Variants in PCDHA4 observed in about 807,000 individuals in gnomAD.
PCDHA4 encodes the protein protocadherin alpha 4, also known as protocadherin alpha-4.
In PCDHA4, 49 loss-of-function variants were observed where a neutral mutation model predicts 61.4. The ratio of observed to expected loss-of-function variants is 0.80; its 90% CI spans 0.63 to 1.01. The LOEUF (loss-of-function observed/expected upper bound fraction) is 1.01. Among genes scored for constraint, PCDHA4 ranks in the 50% least tolerant of loss-of-function variants. PCDHA4 has a pLI of 0.00. For synonymous variants in PCDHA4, 590 were observed against 550.3 expected, an observed-to-expected ratio of 1.07 and a Z score of -1.01; for missense variants, 1,254 against 1,235.8, an observed-to-expected ratio of 1.01 and a Z score of -0.22.
At position 140,876,752 on chromosome 5, in the gene PCDHA4, C is replaced by G. The variant is rs374137138; in HGVS notation, c.2385+67180C>G. On this transcript the variant is annotated intron_variant, in intron 1 of 3. Coordinates refer to ENST00000530339, the MANE Select transcript of PCDHA4 (RefSeq NM_018907.4). ...TCGGCCTATGAGCTGGTGGTGACTGCGCGGGATGGGGGCTCGCCTTCGCTG... is the reference window on the plus strand; with the variant it reads ...TCGGCCTATGAGCTGGTGGTGACTGGGCGGGATGGGGGCTCGCCTTCGCTG... 1.4e-5 allele frequency: 23 copies of G among 1,614,194 alleles called. No homozygotes were observed. The African/African-American group carries it at 2.8e-4, about 20-fold the overall frequency.
At position 140,836,827 on chromosome 5, in the gene PCDHA4, G is replaced by A. The variant is rs1774764727; in HGVS notation, c.2385+27255G>A. Reference sequence around the variant, plus strand: ...ATTTTCTTTCATAATTTCTTTTTTAGTTGATAGCTTTATGTATAATTATTA... The same window carrying A: ...ATTTTCTTTCATAATTTCTTTTTTAATTGATAGCTTTATGTATAATTATTA... On this transcript the variant is annotated intron_variant, in intron 1 of 3. Transcript: ENST00000530339. The A allele has an allele frequency of 2.9e-5, 28 of 968,068 alleles. No homozygotes were observed. The South Asian group carries it at 4.7e-4, about 16-fold the overall frequency. 60.0% of individuals were successfully genotyped at this position (968,068 alleles called of 1,614,324 possible).
At chr5:140,864,365 AT>A (rs1190318637) in intron 1 of PCDHA4, 4 of 152,220 alleles carry the variant, frequency 2.6e-5, no homozygotes, top group Non-Finnish European at 5.9e-5. Flanking sequence ...TTATCTTTCT[AT>A]AATCGATAAG....
At chr5:140,936,972 T>C (rs2091238144) in intron 1 of PCDHA4, among the ~76,000 whole-genome samples, 2 of 152,314 alleles carry the variant, frequency 1.3e-5, no homozygotes, top group South Asian at 4.1e-4. Context: ...TATAAAAATA[T>C]GAAGCTTGTT....
intron 3 of PCDHA4, among the ~76,000 whole-genome samples, chr5:141,007,395 C>CAAAAAAAAA (rs35800918): frequency 8.4e-5 from 8 of 94,856 alleles, no homozygotes; most frequent in East Asian, 2.9e-4. Context: ...TACTAAAATA[C>CAAAAAAAAA]AAAAAAAAAA....
chr5:141,000,392 T>TATAA (rs2097913276), intron 3 of PCDHA4, among the ~76,000 whole-genome samples: 1 of 62,986 alleles, frequency 1.6e-5, no homozygotes, highest in African/African-American at 7.3e-5. Context: ...TCTCTCTCTC[T>TATAA]CTCTATATAT....
chr5:140,976,037 T>C (rs1466922826), intron 1 of PCDHA4, among the ~76,000 whole-genome samples: 1 of 152,200 alleles, frequency 6.6e-6, no homozygotes, highest in Non-Finnish European at 1.5e-5. Context: ...ATTTCAACTG[T>C]GATTGAAATT....
intron 1 of PCDHA4, among the ~76,000 whole-genome samples, chr5:140,892,561 A>G (rs766284976): frequency 1.3e-5 from 2 of 152,156 alleles, no homozygotes; most frequent in Non-Finnish European, 2.9e-5. Context: ...GTCCTTGGAG[A>G]CTGTCAAAAG....
chr5:140,941,228 T>TTTCTTTCTTTCTTTCTTTC (rs2092920819), intron 1 of PCDHA4, among the ~76,000 whole-genome samples: 1 of 139,066 alleles, frequency 7.2e-6, no homozygotes, highest in Admixed American at 7.4e-5. Flanking sequence ...TCTTTCTTTC[T>TTTCTTTCTTTCTTTCTTTC]TTCTTTCTTT....
In PCDHA4 at chr5:140,978,974, G is replaced by A. The variant is rs150254638; in HGVS notation, c.2411G>A (p.Arg804His). The A allele has an allele frequency of 2.1e-3, 3,356 of 1,614,130 alleles. 1 individual carries two copies. The highest frequency in any genetic ancestry group is 2.7e-3 in the Non-Finnish European group (3,158 of 1,180,020). The change falls in exon 2 of 4, where the codon CGT becomes CAT. Residue 804 changes from arginine (R) to histidine (H), a missense_variant. Coordinates refer to ENST00000530339, the MANE Select transcript of PCDHA4 (RefSeq NM_018907.4). ...AKPRQPNPDW[R>H]YSASLRAGMH... is the part of the protein sequence containing the mutation. ...CCACGACAGCCCAACCCTGACTGGC[G>A]TTACTCTGCCTCCCTGAGAGCAGGC...
rs782444555 is a variant in PCDHA4, at chr5:140,883,708, G to C, written c.2385+74136G>C. 1.2e-6 allele frequency: 2 copies of C among 1,613,664 alleles called. No homozygotes were observed. The highest frequency in any genetic ancestry group is 1.7e-6 in the Non-Finnish European group (2 of 1,179,838). On this transcript the variant is annotated intron_variant, in intron 1 of 3. Coordinates refer to ENST00000530339, the MANE Select transcript of PCDHA4 (RefSeq NM_018907.4). ...GCCACATCTTCACGGTGTCTGCTCA[G>C]GACGCGGACGCACAGGAGAACGCGC...
intron 1 of PCDHA4, among the ~76,000 whole-genome samples, chr5:140,874,733 A>G (rs929245096): frequency 6.6e-6 from 1 of 152,244 alleles, no homozygotes; most frequent in Non-Finnish European, 1.5e-5. Context: ...TATCACATTC[A>G]AGCATCAAGG....
rs148067258 is a variant in PCDHA4 at position 140,850,948 on chromosome 5, G to A, written c.2385+41376G>A. The A allele has an allele frequency of 9.7e-3, 14,493 of 1,499,630 alleles. 1,246 individuals are homozygous for A. Among genetic ancestry groups the A allele is most frequent in the Non-Finnish European group, 0.01 (11,557 of 1,116,880 alleles). The allele number at this position is 1,499,630 out of a possible 1,614,324, so 92.9% of individuals were successfully genotyped here. On this transcript the variant is annotated intron_variant, in intron 1 of 3. Coordinates refer to ENST00000530339, the MANE Select transcript of PCDHA4 (RefSeq NM_018907.4). The stretch of plus-strand genomic sequence containing the variant: ...ATTTTTTTTCTTGAAAGATATTATC[G>A]ATTACTCCCAGGGGCCGTTCAAATA...
intron 1 of PCDHA4, among the ~76,000 whole-genome samples, chr5:140,925,729 A>AAATATTTACAGAAAG (rs1334705925): frequency 8.6e-5 from 13 of 151,770 alleles, no homozygotes; most frequent in African/African-American, 2.9e-4. Context: ...GGTGTTTTCT[A>AAATATTTACAGAAAG]AATATTTACA....
intron 1 of PCDHA4, chr5:140,830,527 A>G (rs2150187420): frequency 7.6e-7 from 1 of 1,307,954 alleles, no homozygotes; most frequent in Non-Finnish European, 1.0e-6. Context: ...TTTATTTTAA[A>G]TTTATAATTG....
At position 140,982,508 on chromosome 5, in the gene PCDHA4, G is replaced by A. The variant is rs1586930589; in HGVS notation, c.2478G>A (p.Arg826=). The change falls in exon 3 of 4, where the codon CGG becomes CGA. Residue 826 remains arginine, a synonymous_variant. Transcript: ENST00000530339. The part of the protein sequence containing the change: ...SVHLEEAGIL[R]AGPGGPDQQW... The stretch of plus-strand genomic sequence containing the variant: ...ACCTAGAGGAGGCTGGCATTCTACG[G>A]GCTGGTCCAGGAGGGCCTGATCAGC... The A allele has an allele frequency of 6.2e-7, 1 of 1,614,154 alleles. No individual in the cohort carries two copies. Among genetic ancestry groups the A allele is most frequent in the Non-Finnish European group, 8.5e-7 (1 of 1,180,018 alleles).
chr5:140,871,577 G>A, intron 1 of PCDHA4: 1 of 1,474,316 alleles, frequency 6.8e-7, no homozygotes, highest in Non-Finnish European at 9.0e-7. Flanking sequence ...ATTTTTTAAG[G>A]GAAAGTTTTA....
rs2150389319 is a variant in PCDHA4, at chr5:140,846,377, T to C, written c.2385+36805T>C. On this transcript the variant is annotated intron_variant, in intron 1 of 3. Transcript: ENST00000530339. The stretch of plus-strand genomic sequence containing the variant: ...TTTCTTTTCTTTTCTTTCTTTCTTT[T>C]TTTTTTTTTTTTTTTGAGACGGAGT... Among the ~76,000 whole-genome samples the C allele has an allele frequency of 1.3e-3, 177 of 134,738 alleles. 13 individuals carry two copies. The highest frequency in any genetic ancestry group is 3.8e-3 in the African/African-American group (141 of 37,120). The allele number at this position is 134,738 out of a possible 152,430, so 88.4% of individuals were successfully genotyped here.
At chr5:140,884,414 C>G in intron 1 of PCDHA4, 2 of 1,614,008 alleles carry the variant, frequency 1.2e-6, no homozygotes, top group Non-Finnish European at 1.7e-6. Context: ...GCTCACGTTG[C>G]TGCTGTATAC....
intron 1 of PCDHA4, among the ~76,000 whole-genome samples, chr5:140,826,743 G>GA (rs1245871105): frequency 1.3e-5 from 2 of 152,122 alleles, no homozygotes; most frequent in African/African-American, 4.8e-5. Flanking sequence ...TATATTGTCA[G>GA]AAAAATAAGA....
Sources: allele counts gnomAD v4.1 joint callset (sites outside exome capture counted in the v4.1 genomes callset), GRCh38; gene constraint gnomAD v4.1.1; transcripts MANE v1.5; gene names NCBI Gene and HGNC (gene_info 2026-07-23, HGNC 2026-07-21).